The following FGF12 variants were observed in gnomAD, a reference collection of about 807,000 sequenced individuals.
FGF12 encodes the protein fibroblast growth factor 12B.
A neutral mutation model predicts 23.6 loss-of-function variants in FGF12; 14 were observed. The observed-to-expected ratio is 0.59, with a 90% CI of 0.39 to 0.93. FGF12 has a LOEUF of 0.93. Ranked by LOEUF, FGF12 falls within the 40% of genes least tolerant of loss-of-function variation. The pLI, the probability that FGF12 is intolerant of heterozygous loss-of-function variation, is 0.00. For missense variants in FGF12, 175 were observed against 217.8 expected, an observed-to-expected ratio of 0.80 and a Z score of 1.24; for synonymous variants, 62 against 77.3, an observed-to-expected ratio of 0.80 and a Z score of 1.04.
chr3:192,416,715 G>A (rs955852695), intron 2 of FGF12, among the ~76,000 whole-genome samples: 3 of 152,044 alleles, frequency 2.0e-5, no homozygotes, highest in Admixed American at 6.6e-5. Flanking sequence ...ATAAAAATCC[G>A]TCACTCACTT....
intron 2 of FGF12, among the ~76,000 whole-genome samples, chr3:192,576,888 G>A (rs1315392687): frequency 2.6e-5 from 4 of 152,226 alleles, no homozygotes; most frequent in East Asian, 1.9e-4. Context: ...AAAAAAGGAC[G>A]AGTTCATGTT....
intron 4 of FGF12, among the ~76,000 whole-genome samples, chr3:192,270,420 C>T (rs1713359766): frequency 6.6e-6 from 1 of 151,902 alleles, no homozygotes; most frequent in South Asian, 2.1e-4. Context: ...TCATTTCTCC[C>T]CTACTATTAC....
At chr3:192,679,023 A>C (rs956144038) in intron 2 of FGF12, among the ~76,000 whole-genome samples, 34 of 152,170 alleles carry the variant, frequency 2.2e-4, no homozygotes, top group African/African-American at 7.5e-4. Context: ...TTAACAGTGC[A>C]GATTTGGGGG....
chr3:192,366,398 T>C (rs183781199), intron 2 of FGF12, among the ~76,000 whole-genome samples: 53 of 152,238 alleles, frequency 3.5e-4, no homozygotes, highest in Non-Finnish European at 5.3e-4. Flanking sequence ...ATTATAACAA[T>C]AATGAAAATT....
intron 4 of FGF12, among the ~76,000 whole-genome samples, chr3:192,212,795 G>A (rs1042854327): frequency 6.8e-6 from 1 of 146,682 alleles, no homozygotes; most frequent in Non-Finnish European, 1.5e-5. Flanking sequence ...ATGGGGGGGG[G>A]GTTAAAAAAA....
intron 4 of FGF12, among the ~76,000 whole-genome samples, chr3:192,280,562 A>G (rs1033772401): frequency 1.3e-5 from 2 of 152,190 alleles, no homozygotes; most frequent in African/African-American, 4.8e-5. Context: ...AGTATCTGAC[A>G]TGATTTAGGC....
chr3:192,564,832 T>C (rs1712204573), intron 2 of FGF12, among the ~76,000 whole-genome samples: 1 of 152,226 alleles, frequency 6.6e-6, no homozygotes. Context: ...TAGAGGAGAA[T>C]GTATTTATAG....
chr3:192,608,821 G>C (rs1431837531), intron 2 of FGF12, among the ~76,000 whole-genome samples: 1 of 152,160 alleles, frequency 6.6e-6, no homozygotes, highest in Non-Finnish European at 1.5e-5. Context: ...ATAAGCAGTA[G>C]AGAGAGACAT....
At chr3:192,640,576 G>A (rs2108663929) in intron 2 of FGF12, among the ~76,000 whole-genome samples, 1 of 152,254 alleles carries the variant, frequency 6.6e-6, no homozygotes, top group East Asian at 1.9e-4. Flanking sequence ...GGAAAAGTGA[G>A]GTTCAGAGGA....
intron 2 of FGF12, among the ~76,000 whole-genome samples, chr3:192,526,661 C>T (rs1394960800): frequency 2.0e-5 from 3 of 152,076 alleles, no homozygotes; most frequent in Admixed American, 6.5e-5. Flanking sequence ...TTCTGCCTTT[C>T]GCAATATACA....
Position 192,443,466 on chromosome 3 carries a change from T to C in FGF12, c.14-82928A>G, listed in dbSNP as rs557453169. Among the ~76,000 whole-genome samples, 3 of 152,328 alleles carry C rather than the reference T, an allele frequency of 2.0e-5. No homozygotes were observed. The South Asian group carries it at 6.2e-4, about 32-fold the overall frequency. The stretch of plus-strand genomic sequence containing the variant: ...GCAGGACAGTAGTAATAAGTAGGGC[T>C]GGAAAGGTTGTTGGAGAGCTTTGAA... On this transcript the variant is annotated intron_variant, in intron 2 of 5. Transcript: ENST00000445105.
chr3:192,419,640 A>T (rs113863277), intron 2 of FGF12, among the ~76,000 whole-genome samples: 36 of 152,152 alleles, frequency 2.4e-4, no homozygotes, highest in Non-Finnish European at 4.4e-5. Flanking sequence ...GTGAATCAAA[A>T]TCATTATAGG....
intron 2 of FGF12, among the ~76,000 whole-genome samples, chr3:192,660,990 A>AT (rs5855445): frequency 0.58 from 84,881 of 147,216 alleles, 24,289 homozygotes; most frequent in Middle Eastern, 0.67. Flanking sequence ...TCTTTAAAAA[A>AT]AAAATAATAA....
chr3:192,361,609 A>G lies in FGF12; in HGVS notation c.14-1071T>C, dbSNP rs148978685. 7.6e-3 allele frequency among the ~76,000 whole-genome samples: 1,154 copies of G among 152,296 alleles called. 8 individuals are homozygous for G. Among genetic ancestry groups the G allele is most frequent in the African/African-American group, 0.026 (1,091 of 41,564 alleles). On this transcript the variant is annotated intron_variant, in intron 2 of 5. Coordinates refer to ENST00000445105, the MANE Select transcript of FGF12 (RefSeq NM_004113.6). ...TCATCCTTCATCCATTTATTCAACTAATGTTTACCAAGAATGTCTTTTTTC... is the reference window on the plus strand; with the variant it reads ...TCATCCTTCATCCATTTATTCAACTGATGTTTACCAAGAATGTCTTTTTTC...
chr3:192,360,575 C>T lies in FGF12; in HGVS notation c.14-37G>A. The T allele has an allele frequency of 6.9e-7, 1 of 1,440,880 alleles. No individual in the cohort carries two copies. Among genetic ancestry groups the T allele is most frequent in the Middle Eastern group, 1.7e-4 (1 of 5,742 alleles). 89.3% of individuals were successfully genotyped at this position (1,440,880 alleles called of 1,614,324 possible). Reference sequence around the variant, plus strand: ...AATAATTATTCAAATTTTTATTTGGCTTACACAAATGCACACTTACAGATT... The same window carrying T: ...AATAATTATTCAAATTTTTATTTGGTTTACACAAATGCACACTTACAGATT... On this transcript the variant is annotated intron_variant, in intron 2 of 5. Coordinates refer to ENST00000445105, the MANE Select transcript of FGF12 (RefSeq NM_004113.6). The surrounding 1 kb of genome is among the most constrained non-coding windows in gnomAD (Gnocchi z 4.3).
chr3:192,270,191 T>C (rs1181107659), intron 4 of FGF12, among the ~76,000 whole-genome samples: 1 of 152,114 alleles, frequency 6.6e-6, no homozygotes, highest in Non-Finnish European at 1.5e-5. Context: ...TTCACAGAAA[T>C]AAAGCTTTTC....
chr3:192,281,956 T>C (rs965901142), intron 4 of FGF12, among the ~76,000 whole-genome samples: 1 of 152,138 alleles, frequency 6.6e-6, no homozygotes, highest in African/African-American at 2.4e-5. Context: ...CCAATAACAG[T>C]GTAAATTAGA....
intron 3 of FGF12, among the ~76,000 whole-genome samples, chr3:192,355,010 A>G (rs1577382425): frequency 2.0e-5 from 3 of 152,318 alleles, no homozygotes; most frequent in Middle Eastern, 3.4e-3. Context: ...GCAACCAACT[A>G]AAACCAAAAG....
rs377698388 is a variant in FGF12, at chr3:192,420,112, T to C, written c.14-59574A>G. Among the ~76,000 whole-genome samples the C allele has an allele frequency of 1.1e-4, 16 of 152,230 alleles. No individual in the cohort carries two copies. The East Asian group carries it at 2.9e-3, about 28-fold the overall frequency. On this transcript the variant is annotated intron_variant, in intron 2 of 5. Transcript: ENST00000445105. ...TCATTGACTCTTTTGGATTCTTGTG[T>C]AGGAAAGATCCCAGTTTGGGGTAAG...
Sources: allele counts gnomAD v4.1 joint callset (sites outside exome capture counted in the v4.1 genomes callset), GRCh38; gene constraint gnomAD v4.1.1; non-coding constraint Gnocchi (gnomAD v3.1); transcripts MANE v1.5; gene names NCBI Gene and HGNC (gene_info 2026-07-23, HGNC 2026-07-21).